Variants in PCDHGA7 observed in about 807,000 individuals in gnomAD.
PCDHGA7 encodes protocadherin gamma subfamily A, 7.
Under a neutral mutation model 58.3 loss-of-function variants are expected in PCDHGA7, and 44 were observed. The observed-to-expected ratio is 0.75, with a 90% confidence interval of 0.59 to 0.97. PCDHGA7 has a LOEUF of 0.97. Among genes scored for constraint, PCDHGA7 ranks in the 50% least tolerant of loss-of-function variants. PCDHGA7 has a pLI of 0.00. For synonymous variants in PCDHGA7, 516 were observed against 504.2 expected, an observed-to-expected ratio of 1.02 and a Z score of -0.31; for missense variants, 1,266 against 1,188.7, an observed-to-expected ratio of 1.06 and a Z score of -0.96.
rs189408749 is a variant in PCDHGA7 at position 141,383,405 on chromosome 5, G to T, written c.506G>T (p.Ser169Ile). Residue 169 changes from serine (S) to isoleucine (I), a missense_variant, in exon 1 of 4, where the codon AGT (serine) becomes ATT (isoleucine). Physicochemically the swap from Ser to Ile is moderately radical, Grantham distance 142. Transcript: ENST00000518325. ...DPDVGTNSLQ[S>I]YQLSPNRHFS... ...GATGTGGGCACGAACTCCCTCCAGAGTTACCAGCTCAGCCCCAATCGCCAC... is the reference window on the plus strand; with the variant it reads ...GATGTGGGCACGAACTCCCTCCAGATTTACCAGCTCAGCCCCAATCGCCAC... The T allele has an allele frequency of 1.2e-4, 200 of 1,613,898 alleles. No individual in the cohort carries two copies. Among genetic ancestry groups the T allele is most frequent in the South Asian group, 4.4e-5 (4 of 91,084 alleles).
At chr5:141,429,378 T>G (rs890583768) in intron 1 of PCDHGA7, among the ~76,000 whole-genome samples, 3 of 105,336 alleles carry the variant, frequency 2.8e-5, no homozygotes, top group African/African-American at 5.2e-5. Flanking sequence ...AGAAAATGTG[T>G]TTTTTTTTTA....
intron 1 of PCDHGA7, among the ~76,000 whole-genome samples, chr5:141,456,729 C>T (rs1337183677): frequency 6.6e-6 from 1 of 152,158 alleles, no homozygotes; most frequent in Non-Finnish European, 1.5e-5. Context: ...CTTTGGGAGG[C>T]TGAGGCGGGA....
rs775895766 is a variant in PCDHGA7, at chr5:141,384,987, G to T, written c.2088G>T (p.Ala696=). Residue 696 remains alanine (A), a synonymous_variant, in exon 1 of 4, where the codon GCG becomes GCT. Coordinates refer to ENST00000518325, the MANE Select transcript of PCDHGA7 (RefSeq NM_018920.4). ...NYDLTLYLVV[A]VATVSCVFLA... ...ACCTCACGTTGTACCTGGTGGTGGC[G>T]GTGGCCACAGTCTCCTGCGTCTTCC... The T allele has an allele frequency of 3.7e-6, 6 of 1,613,996 alleles. No individual in the cohort carries two copies. The African/African-American group carries it at 6.7e-5, about 18-fold the overall frequency.
At chr5:141,417,050 C>T (rs1420453271) in intron 1 of PCDHGA7, 3 of 151,552 alleles carry the variant, frequency 2.0e-5, no homozygotes, top group Non-Finnish European at 4.4e-5. Flanking sequence ...AAAAAAACTG[C>T]TCTTGACATT....
At chr5:141,478,408 G>C in intron 1 of PCDHGA7, 1 of 1,613,340 alleles carries the variant, frequency 6.2e-7, no homozygotes, top group Non-Finnish European at 8.5e-7. Flanking sequence ...ATCTCACCAC[G>C]GACTCCCGCC....
At chr5:141,390,526 T>A (rs1405081511) in intron 1 of PCDHGA7, 1 of 548,156 alleles carries the variant, frequency 1.8e-6, no homozygotes, top group African/African-American at 1.9e-5. Flanking sequence ...AATGAGGGTG[T>A]GGTTTTAACC....
chr5:141,413,319 C>T, intron 1 of PCDHGA7: 1 of 1,613,960 alleles, frequency 6.2e-7, no homozygotes, highest in South Asian at 1.1e-5. Context: ...AAGGCTCTTT[C>T]GTGGGCAACA....
At position 141,487,499 on chromosome 5, in the gene PCDHGA7, G is replaced by C; in HGVS notation, c.2425-7308G>C. 6.2e-7 allele frequency: 1 copy of C among 1,614,152 alleles called. No individual in the cohort carries two copies. The highest frequency in any genetic ancestry group is 1.3e-5 in the African/African-American group (1 of 75,042). ...CCACTCTCATGGCTGTACACCCTTG[G>C]CTTCTGCACCCACTCGGAGTGATAG... On this transcript the variant is annotated intron_variant, in intron 1 of 3. Coordinates refer to ENST00000518325, the MANE Select transcript of PCDHGA7 (RefSeq NM_018920.4). The surrounding 1 kb of genome is among the most constrained non-coding windows in gnomAD (Gnocchi z 5.0).
intron 1 of PCDHGA7, among the ~76,000 whole-genome samples, chr5:141,386,574 G>A (rs2090626331): frequency 6.6e-6 from 1 of 151,752 alleles, no homozygotes; most frequent in African/African-American, 2.4e-5. Flanking sequence ...GATAGACTCT[G>A]TACAATAGTG....
rs1015619417 is a variant in PCDHGA7 at position 141,455,526 on chromosome 5, C to T, written c.2425-39281C>T. Among the ~76,000 whole-genome samples the T allele has an allele frequency of 2.0e-5, 3 of 152,106 alleles. 1 individual carries two copies. Among genetic ancestry groups the T allele is most frequent in the South Asian group, 4.1e-4 (2 of 4,826 alleles). ...CATAGGGCTCAGGGGATTGGTTTGA[C>T]CAGGCATATCATTCACGTAGCCCGA... On this transcript the variant is annotated intron_variant, in intron 1 of 3. Coordinates refer to ENST00000518325, the MANE Select transcript of PCDHGA7 (RefSeq NM_018920.4).
intron 1 of PCDHGA7, chr5:141,424,126 G>C: frequency 9.3e-6 from 5 of 538,222 alleles, no homozygotes; most frequent in Non-Finnish European, 1.2e-5. Flanking sequence ...TGATCCTGTT[G>C]ATTTAATAGC....
Position 141,432,136 on chromosome 5 carries a change from T to C in PCDHGA7, c.2424+46813T>C, listed in dbSNP as rs766026174. 2 of 1,613,960 alleles carry C rather than the reference T, an allele frequency of 1.2e-6. No individual in the cohort carries two copies. The highest frequency in any genetic ancestry group is 1.7e-5 in the Admixed American group (1 of 59,996). On this transcript the variant is annotated intron_variant, in intron 1 of 3. Transcript: ENST00000518325. The surrounding 1 kb of genome is among the most constrained non-coding windows in gnomAD (Gnocchi z 6.0). ...TCTTCCCTCAGGCCTCCTATTCCGC[T>C]TATATCCCAGAGAACAATCCCAGAG...
chr5:141,389,814 G>T, intron 1 of PCDHGA7: 3 of 1,613,868 alleles, frequency 1.9e-6, no homozygotes, highest in Non-Finnish European at 2.5e-6. Flanking sequence ...TCTGGTCGCC[G>T]TGCGTGACGG....
chr5:141,415,893 A>G, intron 1 of PCDHGA7: 2 of 904,826 alleles, frequency 2.2e-6, no homozygotes, highest in Non-Finnish European at 3.0e-6. Flanking sequence ...GACAATTCCT[A>G]AGACAGACTT....
chr5:141,422,703 G>A (rs1473348513), intron 1 of PCDHGA7: 1 of 1,603,132 alleles, frequency 6.2e-7, no homozygotes, highest in Admixed American at 1.7e-5. Context: ...CTTACTCTCT[G>A]ACGGATGACA....
At chr5:141,508,570 C>T (rs1164806696) in intron 3 of PCDHGA7, among the ~76,000 whole-genome samples, 21 of 152,198 alleles carry the variant, frequency 1.4e-4, no homozygotes. Context: ...GTCACTTGCA[C>T]CCACTCGGGG....
rs1054594374 is a variant in PCDHGA7 at position 141,489,607 on chromosome 5, A to G, written c.2425-5200A>G. On this transcript the variant is annotated intron_variant, in intron 1 of 3. Coordinates refer to ENST00000518325, the MANE Select transcript of PCDHGA7 (RefSeq NM_018920.4). This position sits in a 1 kb window ranked among gnomAD's most constrained non-coding sequence, Gnocchi z 4.5. ...GGAGCTAATCCGTGTAGAGGTAGAG[A>G]TCCTGGATCTCAATGACAACTCTCC... The G allele has an allele frequency of 6.2e-6, 10 of 1,613,850 alleles. No homozygotes were observed. The highest frequency in any genetic ancestry group is 8.5e-6 in the Non-Finnish European group (10 of 1,179,956).
Position 141,491,732 on chromosome 5 carries a change from C to G in PCDHGA7, c.2425-3075C>G. ...GGCTCGGCGCCGCCCCGGGCGACCC[C>G]TGGGGGCGGCACTGGAGAAGCCGCC... On this transcript the variant is annotated intron_variant, in intron 1 of 3. Coordinates refer to ENST00000518325, the MANE Select transcript of PCDHGA7 (RefSeq NM_018920.4). This position sits in a 1 kb window ranked among gnomAD's most constrained non-coding sequence, Gnocchi z 6.9. The G allele has an allele frequency of 1.2e-6, 2 of 1,602,752 alleles. No individual in the cohort carries two copies. Among genetic ancestry groups the G allele is most frequent in the Non-Finnish European group, 1.7e-6 (2 of 1,175,308 alleles).
At chr5:141,479,358 GC>G (rs2154577546) in intron 1 of PCDHGA7, 1 of 152,584 alleles carries the variant, frequency 6.6e-6, no homozygotes, top group Non-Finnish European at 1.5e-5. Flanking sequence ...GCTGCTCAGT[GC>G]CTGAGGTGGG....
Sources: gnomAD v4.1 joint callset for allele counts (sites outside exome capture counted in the v4.1 genomes callset) on GRCh38, gnomAD v4.1.1 for gene constraint, Gnocchi (gnomAD v3.1) non-coding constraint, MANE v1.5 for transcripts, NCBI Gene and HGNC (gene_info 2026-07-23, HGNC 2026-07-21) for gene names.